Variants in CAMK4 observed in about 807,000 individuals in gnomAD.
The protein encoded by CAMK4 is calcium/calmodulin-dependent protein kinase type IV.
CAMK4 carries 22 observed loss-of-function variants against 44.9 expected under a neutral mutation model. That is an observed-to-expected ratio of 0.49 (90% CI 0.35 to 0.70). The LOEUF is 0.70. Among genes scored for constraint, CAMK4 ranks in the 30% least tolerant of loss-of-function variants. The probability of loss-of-function intolerance (pLI) is 0.01; values close to 1 mark genes in which losing one functional copy is unlikely to be tolerated. For missense variants in CAMK4, 498 were observed against 586.8 expected, an observed-to-expected ratio of 0.85 and a Z score of 1.56; for synonymous variants, 218 against 215.4, an observed-to-expected ratio of 1.01 and a Z score of -0.11.
Position 111,367,431 on chromosome 5 carries a change from A to G in CAMK4, c.241-7419A>G, listed in dbSNP as rs548631310. 1.8e-4 allele frequency among the ~76,000 whole-genome samples: 27 copies of G among 152,110 alleles called. 1 individual carries two copies. Among genetic ancestry groups the G allele is most frequent in the Admixed American group, 1.5e-3 (23 of 15,238 alleles). The stretch of plus-strand genomic sequence containing the variant: ...TGGCAATTAAGTTTCCAACACATGA[A>G]CTTTTGGAGGATGCATTCAAATCAT... On this transcript the variant is annotated intron_variant, in intron 2 of 10. Transcript: ENST00000282356.
At position 111,229,171 on chromosome 5, in the gene CAMK4, T is replaced by C. The variant is rs941473403; in HGVS notation, c.161+4527T>C. ...ATATAACAAGATGTCTTAGACTGGG[T>C]GGCTTAAACAATAAATATGCATTTC... On this transcript the variant is annotated intron_variant, in intron 1 of 10. Coordinates refer to ENST00000282356, the MANE Select transcript of CAMK4 (RefSeq NM_001744.6). Among the ~76,000 whole-genome samples the C allele has an allele frequency of 2.0e-5, 3 of 152,312 alleles. No individual in the cohort carries two copies. The South Asian group carries it at 6.2e-4, about 32-fold the overall frequency.
chr5:111,328,890 A>G (rs1561415628), intron 1 of CAMK4, among the ~76,000 whole-genome samples: 5 of 152,032 alleles, frequency 3.3e-5, no homozygotes. Context: ...GAAGTCGCTT[A>G]TCAGCTTGAG....
intron 1 of CAMK4, among the ~76,000 whole-genome samples, chr5:111,240,897 G>C (rs556516454): frequency 1.3e-5 from 2 of 152,284 alleles, no homozygotes; most frequent in African/African-American, 4.8e-5. Context: ...CAGTGGCAAC[G>C]ATGGTGGTAC....
chr5:111,243,603 G>A (rs1388969634), intron 1 of CAMK4, among the ~76,000 whole-genome samples: 1 of 152,088 alleles, frequency 6.6e-6, no homozygotes, highest in Non-Finnish European at 1.5e-5. Flanking sequence ...AATTTTACTA[G>A]CCCTATCATG....
At chr5:111,351,158 C>T (rs962696937) in intron 2 of CAMK4, among the ~76,000 whole-genome samples, 1 of 152,038 alleles carries the variant, frequency 6.6e-6, no homozygotes, top group Admixed American at 6.6e-5. Context: ...TCTGTTCTAG[C>T]CTTCTTTTTC....
At position 111,266,418 on chromosome 5, in the gene CAMK4, A is replaced by G. The variant is rs957513012; in HGVS notation, c.161+41774A>G. Among the ~76,000 whole-genome samples the G allele has an allele frequency of 3.9e-5, 6 of 152,130 alleles. No individual in the cohort carries two copies. In the South Asian group the frequency reaches 8.3e-4, roughly 21 times the overall value. ...TTTTTGCTTTTTGGTGTATTTTACT[A>G]TTCTCAGGTATTTAAAAGCATTTTT... On this transcript the variant is annotated intron_variant, in intron 1 of 10. Coordinates refer to ENST00000282356, the MANE Select transcript of CAMK4 (RefSeq NM_001744.6).
chr5:111,299,196 A>T (rs1315160093), intron 1 of CAMK4, among the ~76,000 whole-genome samples: 1 of 152,262 alleles, frequency 6.6e-6, no homozygotes, highest in East Asian at 1.9e-4. Context: ...ATGACTTAGC[A>T]GGTTTGTAGT....
At chr5:111,233,655 G>C (rs544683258) in intron 1 of CAMK4, among the ~76,000 whole-genome samples, 3 of 152,118 alleles carry the variant, frequency 2.0e-5, no homozygotes, top group African/African-American at 7.2e-5. Context: ...ATAAATTACT[G>C]ATGAAAGATT....
Position 111,369,653 on chromosome 5 carries a change from C to T in CAMK4, c.241-5197C>T, listed in dbSNP as rs575752557. Among the ~76,000 whole-genome samples the T allele has an allele frequency of 7.9e-5, 12 of 152,150 alleles. No individual in the cohort carries two copies. In the East Asian group the frequency reaches 9.7e-4, roughly 12 times the overall value. On this transcript the variant is annotated intron_variant, in intron 2 of 10. Coordinates refer to ENST00000282356, the MANE Select transcript of CAMK4 (RefSeq NM_001744.6). ...GCCATTTGTTGTTTTGTTTGAAGTA[C>T]GGTCATTCCTCAGTATCCATGGGAG...
chr5:111,253,917 T>A (rs1175015972), intron 1 of CAMK4, among the ~76,000 whole-genome samples: 1 of 152,188 alleles, frequency 6.6e-6, no homozygotes, highest in Non-Finnish European at 1.5e-5. Context: ...CAAATAAATT[T>A]CAATTATTTA....
intron 5 of CAMK4, among the ~76,000 whole-genome samples, chr5:111,429,777 CAAA>C (rs70973607): frequency 2.7e-4 from 7 of 26,336 alleles, no homozygotes; most frequent in African/African-American, 8.7e-4. Flanking sequence ...GACCTCATCT[CAAA>C]AAAAAAAAAA....
At chr5:111,476,928 A>G (rs1046347074) in intron 8 of CAMK4, among the ~76,000 whole-genome samples, 4 of 152,232 alleles carry the variant, frequency 2.6e-5, no homozygotes, top group African/African-American at 7.2e-5. Context: ...TTTGAGCACT[A>G]TAACTCTTCA....
At chr5:111,363,870 A>T (rs914189795) in intron 2 of CAMK4, among the ~76,000 whole-genome samples, 1 of 152,122 alleles carries the variant, frequency 6.6e-6, no homozygotes, top group African/African-American at 2.4e-5. Context: ...CAACAAAGGC[A>T]TTTAAGCTGA....
At chr5:111,379,908 C>T (rs1245826718) in intron 4 of CAMK4, among the ~76,000 whole-genome samples, 3 of 152,030 alleles carry the variant, frequency 2.0e-5, no homozygotes, top group Non-Finnish European at 2.9e-5. Context: ...TAGTAAATTA[C>T]ATAGGACAGT....
rs762169064 is a variant in CAMK4 at position 111,482,952 on chromosome 5, ATTTTG to A, written c.981+35_981+39del. On this transcript the variant is annotated intron_variant, in intron 10 of 10. Transcript: ENST00000282356. This position sits in a 1 kb window ranked among gnomAD's most constrained non-coding sequence, Gnocchi z 4.9. ...GTAAGCTTAAGGTAAGATAGCATAT[ATTTTG>A]TTTTGTTTTGTTTTGTTTTCAAAAA... 41 of 1,580,922 alleles carry A rather than the reference ATTTTG, an allele frequency of 2.6e-5. No homozygotes were observed. Among genetic ancestry groups the A allele is most frequent in the Non-Finnish European group, 3.3e-5 (39 of 1,168,552 alleles).
intron 1 of CAMK4, among the ~76,000 whole-genome samples, chr5:111,262,424 G>A (rs1219531774): frequency 2.0e-5 from 3 of 152,128 alleles, no homozygotes; most frequent in Admixed American, 6.5e-5. Flanking sequence ...CAAAAGGGAT[G>A]GCTCCCAGGT....
At chr5:111,481,733 C>T (rs1755441022) in intron 9 of CAMK4, among the ~76,000 whole-genome samples, 1 of 152,166 alleles carries the variant, frequency 6.6e-6, no homozygotes, top group Admixed American at 6.5e-5. Context: ...ATACAGGCTC[C>T]ATCAATTCCA....
intron 1 of CAMK4, among the ~76,000 whole-genome samples, chr5:111,340,577 G>A (rs980336222): frequency 4.0e-5 from 6 of 151,300 alleles, no homozygotes; most frequent in African/African-American, 1.5e-4. Context: ...TGACCATGAT[G>A]AATGAGCCTT....
chr5:111,334,824 C>G (rs1026501529), intron 1 of CAMK4, among the ~76,000 whole-genome samples: 4 of 151,346 alleles, frequency 2.6e-5, no homozygotes, highest in African/African-American at 9.7e-5. Flanking sequence ...AGAATAAAAT[C>G]AAACCAATTG....
Sources: gnomAD v4.1 joint callset for allele counts (sites outside exome capture counted in the v4.1 genomes callset) on GRCh38, gnomAD v4.1.1 for gene constraint, Gnocchi (gnomAD v3.1) non-coding constraint, MANE v1.5 for transcripts, NCBI Gene and HGNC (gene_info 2026-07-23, HGNC 2026-07-21) for gene names.